The following XRCC5 variants were observed in gnomAD, a reference collection of about 807,000 sequenced individuals.
The protein encoded by XRCC5 is X-ray repair cross complementing 5, also known as DNA repair protein Ku80.
XRCC5 carries 12 observed loss-of-function variants against 95.7 expected under a neutral mutation model. The observed-to-expected ratio is 0.13, with a 90% CI of 0.08 to 0.20. The LOEUF (loss-of-function observed/expected upper bound fraction) is 0.20. XRCC5 is among the 10% of genes least tolerant of loss of function. The pLI is 1.00. For missense variants in XRCC5, 595 were observed against 873.9 expected (o/e 0.68, Z 4.02); for synonymous variants, 281 against 290.3 (o/e 0.97, Z 0.33).
chr2:216,163,531 C>G lies in XRCC5; in HGVS notation c.1834+1483C>G, dbSNP rs532339628. Among the ~76,000 whole-genome samples, 10 of 151,832 alleles carry G rather than the reference C, an allele frequency of 6.6e-5. No individual in the cohort carries two copies. In the South Asian group the frequency reaches 2.1e-3, roughly 32 times the overall value. ...TCTTGAACTCTTGACCTCAAGTGAT[C>G]TGCCCACCTTGGTCTCCCAAAGTGC... On this transcript the variant is annotated intron_variant, in intron 16 of 20. Transcript: ENST00000392132.
chr2:216,177,101 A>G (rs1045913857), intron 16 of XRCC5, among the ~76,000 whole-genome samples: 1 of 152,134 alleles, frequency 6.6e-6, no homozygotes, highest in African/African-American at 2.4e-5. Context: ...ACTTGTTCTT[A>G]TGTGGTCTCA....
At chr2:216,138,781 A>G (rs1697129065) in intron 12 of XRCC5, among the ~76,000 whole-genome samples, 2 of 152,206 alleles carry the variant, frequency 1.3e-5, no homozygotes, top group African/African-American at 4.8e-5. Context: ...CAATTGTAAT[A>G]AAATATAATA....
At chr2:216,113,866 G>A (rs1303623279) in intron 2 of XRCC5, among the ~76,000 whole-genome samples, 2 of 152,144 alleles carry the variant, frequency 1.3e-5, no homozygotes, top group African/African-American at 4.8e-5. Context: ...CTGCCTATGT[G>A]GCTTCTTAAG....
chr2:216,143,732 G>T (rs1697207877), intron 13 of XRCC5, among the ~76,000 whole-genome samples: 2 of 151,564 alleles, frequency 1.3e-5, no homozygotes, highest in Admixed American at 6.6e-5. Context: ...TTTTGAGACG[G>T]AGTCTCACTC....
At chr2:216,116,022 T>C (rs1026626638) in intron 2 of XRCC5, among the ~76,000 whole-genome samples, 2 of 152,240 alleles carry the variant, frequency 1.3e-5, no homozygotes, top group Admixed American at 6.5e-5. Context: ...ATATCTTTTA[T>C]CAACTTATTT....
intron 17 of XRCC5, among the ~76,000 whole-genome samples, chr2:216,192,281 A>G (rs373739568): frequency 1.3e-5 from 2 of 152,234 alleles, no homozygotes; most frequent in East Asian, 1.9e-4. Flanking sequence ...GGCATGAGTC[A>G]ACATGCTCGG....
chr2:216,146,428 C>T (rs1057302963), intron 13 of XRCC5, among the ~76,000 whole-genome samples: 8 of 152,164 alleles, frequency 5.3e-5, no homozygotes, highest in Non-Finnish European at 8.8e-5. Context: ...TAGTATAAAT[C>T]ACATGCTTTG....
intron 8 of XRCC5, among the ~76,000 whole-genome samples, chr2:216,129,473 T>C (rs747570457): frequency 1.8e-4 from 28 of 152,216 alleles, no homozygotes; most frequent in African/African-American, 6.3e-4. Flanking sequence ...CCAGAAAACA[T>C]GAAACAGTTT....
intron 20 of XRCC5, 39 bp downstream of exon 20, chr2:216,204,435 A>G: frequency 6.2e-7 from 1 of 1,607,438 alleles, no homozygotes; most frequent in Non-Finnish European, 8.5e-7. Flanking sequence ...TCTATGATTG[A>G]AGTCACCTGA....
At chr2:216,149,893 G>T (rs911870836) in intron 14 of XRCC5, among the ~76,000 whole-genome samples, 4 of 152,140 alleles carry the variant, frequency 2.6e-5, no homozygotes, top group African/African-American at 4.8e-5. Context: ...TCTTGCAGGG[G>T]CCTGAGAAGT....
chr2:216,179,754 A>C (rs370031146), intron 16 of XRCC5, among the ~76,000 whole-genome samples: 1 of 152,202 alleles, frequency 6.6e-6, no homozygotes, highest in African/African-American at 2.4e-5. Flanking sequence ...GGTACATATC[A>C]CATAAGGCCT....
intron 13 of XRCC5, among the ~76,000 whole-genome samples, chr2:216,145,987 A>G (rs1351999514): frequency 1.3e-5 from 2 of 152,210 alleles, no homozygotes; most frequent in African/African-American, 4.8e-5. Context: ...AGCACTGTGA[A>G]TAAAGGATTA....
chr2:216,198,266 T>G (rs1268590514), intron 19 of XRCC5, among the ~76,000 whole-genome samples: 1 of 152,158 alleles, frequency 6.6e-6, no homozygotes, highest in East Asian at 1.9e-4. Flanking sequence ...CCCTGTCTGC[T>G]TCATCTCAAC....
rs56050366 is a variant in XRCC5 at position 216,125,838 on chromosome 2, G to A, written c.684-79G>A. Reference sequence around the variant, plus strand: ...AATTAACATTAGCTCACTTCTCATTGTAGAAAATCAAATGCATCATCCAGC... The same window carrying A: ...AATTAACATTAGCTCACTTCTCATTATAGAAAATCAAATGCATCATCCAGC... On this transcript the variant is annotated intron_variant, in intron 6 of 20. Coordinates refer to ENST00000392132, the MANE Select transcript of XRCC5 (RefSeq NM_021141.4). The A allele has an allele frequency of 4.4e-4, 515 of 1,161,502 alleles. 3 individuals are homozygous for A. The African/African-American group carries it at 7.0e-3, about 16-fold the overall frequency. The allele number at this position is 1,161,502 out of a possible 1,614,324, so 71.9% of individuals were successfully genotyped here.
intron 16 of XRCC5, among the ~76,000 whole-genome samples, chr2:216,187,443 T>G (rs1427929335): frequency 6.7e-6 from 1 of 150,142 alleles, no homozygotes; most frequent in Non-Finnish European, 1.5e-5. Context: ...TTCTTTTGAA[T>G]ATTTTTCTCT....
intron 15 of XRCC5, among the ~76,000 whole-genome samples, chr2:216,160,816 C>G (rs1688938520): frequency 6.6e-6 from 1 of 152,098 alleles, no homozygotes; most frequent in South Asian, 2.1e-4. Flanking sequence ...AAATCCTGAG[C>G]TCAAGTGGTC....
At chr2:216,132,176 T>G (rs1697006220) in intron 9 of XRCC5, 149 bp from the exon 10 acceptor site, 1 of 673,124 alleles carries the variant, frequency 1.5e-6, no homozygotes. Flanking sequence ...TGTTGTGTTG[T>G]ATTGAATTAA....
rs772880448 is a variant in XRCC5, at chr2:216,192,669, C to T, written c.1975C>T (p.Leu659=). Reference sequence around the variant, plus strand: ...AGAAGAGCAGCGCTTTAACAACTTCCTGAAAGCCCTTCAAGAGAAAGTGGA... The same window carrying T: ...AGAAGAGCAGCGCTTTAACAACTTCTTGAAAGCCCTTCAAGAGAAAGTGGA... The part of the protein sequence containing the change: ...FSEEQRFNNF[L]KALQEKVEIK... Residue 659 remains leucine, a synonymous_variant, in exon 18 of 21, where the codon CTG becomes TTG. Coordinates refer to ENST00000392132, the MANE Select transcript of XRCC5 (RefSeq NM_021141.4). 52 of 1,599,768 alleles carry T rather than the reference C, an allele frequency of 3.3e-5. No homozygotes were observed. Among genetic ancestry groups the T allele is most frequent in the Middle Eastern group, 1.7e-4 (1 of 6,020 alleles).
chr2:216,135,919 G>A (rs959039976), intron 10 of XRCC5, among the ~76,000 whole-genome samples: 8 of 152,046 alleles, frequency 5.3e-5, no homozygotes, highest in Non-Finnish European at 7.4e-5. Flanking sequence ...AGAATGAGGG[G>A]GAAAGATAGT....
Sources: gnomAD v4.1 joint callset for allele counts (sites outside exome capture counted in the v4.1 genomes callset) on GRCh38, gnomAD v4.1.1 for gene constraint, MANE v1.5 for transcripts, NCBI Gene and HGNC (gene_info 2026-07-23, HGNC 2026-07-21) for gene names.